The following DDAH1 variants were observed in gnomAD, a reference collection of about 807,000 sequenced individuals.
DDAH1 encodes the protein dimethylarginine dimethylaminohydrolase 1.
Under a neutral mutation model 28.8 loss-of-function variants are expected in DDAH1, and 19 were observed. The observed-to-expected ratio is 0.66, with a 90% CI of 0.46 to 0.97. The LOEUF is 0.97. Ranked by LOEUF, DDAH1 falls within the 50% of genes least tolerant of loss-of-function variation. The pLI, the probability that DDAH1 is intolerant of heterozygous loss-of-function variation, is 0.00. For missense variants in DDAH1, 326 were observed against 375.9 expected, an observed-to-expected ratio of 0.87 and a Z score of 1.10; for synonymous variants, 153 against 154.4, an observed-to-expected ratio of 0.99 and a Z score of 0.07.
intron 1 of DDAH1, among the ~76,000 whole-genome samples, chr1:85,408,398 T>A (rs1273969741): frequency 1.3e-5 from 2 of 152,200 alleles, no homozygotes; most frequent in South Asian, 2.1e-4. Context: ...GTACTCCTTT[T>A]CATATTGTTT....
At chr1:85,529,894 C>G (rs1475132640) in intron 1 of DDAH1, among the ~76,000 whole-genome samples, 5 of 146,256 alleles carry the variant, frequency 3.4e-5, no homozygotes, top group African/African-American at 1.3e-4. Flanking sequence ...TTACACCTTG[C>G]CCAGTGTGAA....
intron 4 of DDAH1, among the ~76,000 whole-genome samples, chr1:85,335,978 A>G (rs758990446): frequency 1.7e-4 from 10 of 59,708 alleles, no homozygotes; most frequent in Admixed American, 6.4e-4. Flanking sequence ...GAAATAAAAT[A>G]AAATAAAATA....
intron 1 of DDAH1, among the ~76,000 whole-genome samples, chr1:85,428,644 G>A (rs1653526708): frequency 6.6e-6 from 1 of 152,098 alleles, no homozygotes; most frequent in African/African-American, 2.4e-5. Context: ...AGAAGGCAGT[G>A]GAAATGGTCT....
At chr1:85,446,375 G>A (rs1557640926) in intron 1 of DDAH1, among the ~76,000 whole-genome samples, 1 of 152,022 alleles carries the variant, frequency 6.6e-6, no homozygotes, top group Non-Finnish European at 1.5e-5. Flanking sequence ...GAACAGCATG[G>A]GGAAAACCAC....
chr1:85,321,434 C>CG lies in DDAH1; in HGVS notation c.*17dup, dbSNP rs772391520. ...TTGCCTGTGCGGTCTTGCCGGCTAC[C>CG]GGGGGGGACTCTGCAGCTCAGGAGT... On this transcript the variant is annotated 3_prime_UTR_variant, in exon 6 of 6. Transcript: ENST00000284031. 2.0e-5 allele frequency: 31 copies of CG among 1,570,090 alleles called. No individual in the cohort carries two copies. Among genetic ancestry groups the CG allele is most frequent in the East Asian group, 4.5e-5 (2 of 44,688 alleles).
intron 1 of DDAH1, among the ~76,000 whole-genome samples, chr1:85,500,575 T>C (rs1396404788): frequency 6.6e-6 from 1 of 152,118 alleles, no homozygotes; most frequent in Non-Finnish European, 1.5e-5. Flanking sequence ...ATGGAGTTTA[T>C]TGAGATTCTT....
At chr1:85,467,903 TG>T (rs1185299466), upstream of DDAH1, among the ~76,000 whole-genome samples, 3 of 152,174 alleles carry the variant, frequency 2.0e-5, no homozygotes, top group Non-Finnish European at 4.4e-5. Flanking sequence ...GAATTGGAGC[TG>T]GGGTAAGTGC....
intron 2 of DDAH1, among the ~76,000 whole-genome samples, chr1:85,489,187 A>C (rs561332708): frequency 6.6e-6 from 1 of 152,226 alleles, no homozygotes; most frequent in African/African-American, 2.4e-5. Flanking sequence ...GAAAAGGGAA[A>C]GAACTAAGGA....
chr1:85,326,409 G>A (rs1647398376), intron 4 of DDAH1, among the ~76,000 whole-genome samples: 1 of 152,200 alleles, frequency 6.6e-6, no homozygotes. Context: ...AGGGCACCAT[G>A]CCAAACATTT....
chr1:85,427,426 G>T (rs1030382064), intron 1 of DDAH1, among the ~76,000 whole-genome samples: 3 of 152,180 alleles, frequency 2.0e-5, no homozygotes, highest in Admixed American at 2.0e-4. Flanking sequence ...TCAGAAGGAA[G>T]CAGCTAGTTA....
intron 4 of DDAH1, among the ~76,000 whole-genome samples, chr1:85,329,935 C>T (rs1647660756): frequency 6.6e-6 from 1 of 152,156 alleles, no homozygotes; most frequent in African/African-American, 2.4e-5. Flanking sequence ...TGCTTTTCCC[C>T]CTTGAAAATG....
chr1:85,423,208 T>C (rs2100618098), intron 1 of DDAH1, among the ~76,000 whole-genome samples: 1 of 152,298 alleles, frequency 6.6e-6, no homozygotes, highest in Admixed American at 6.5e-5. Flanking sequence ...GTAGTGTGAG[T>C]CTTCCACTCA....
intron 5 of DDAH1, among the ~76,000 whole-genome samples, chr1:85,323,456 T>C (rs1661435603): frequency 1.3e-5 from 2 of 152,028 alleles, no homozygotes; most frequent in African/African-American, 4.8e-5. Context: ...ACAAGGGAGA[T>C]TTTCTTAGAC....
intron 1 of DDAH1, among the ~76,000 whole-genome samples, chr1:85,440,474 A>G (rs1432125252): frequency 6.6e-6 from 1 of 152,202 alleles, no homozygotes; most frequent in Non-Finnish European, 1.5e-5. Flanking sequence ...TAGCCGGGAA[A>G]GACTGTTATA....
chr1:85,519,883 C>G (rs1197749929), intron 1 of DDAH1, among the ~76,000 whole-genome samples: 1 of 151,922 alleles, frequency 6.6e-6, no homozygotes, highest in Non-Finnish European at 1.5e-5. Context: ...TTGTGGTTGC[C>G]TCTAGGAATA....
intron 2 of DDAH1, among the ~76,000 whole-genome samples, chr1:85,356,989 A>C (rs1407539695): frequency 6.6e-6 from 1 of 152,238 alleles, no homozygotes; most frequent in African/African-American, 2.4e-5. Context: ...TATTCATTGC[A>C]TGGCTATGTT....
chr1:85,470,151 T>C (rs1655568002), upstream of DDAH1, among the ~76,000 whole-genome samples: 1 of 152,166 alleles, frequency 6.6e-6, no homozygotes, highest in African/African-American at 2.4e-5. Context: ...TATTAGTCTG[T>C]TTTCACACTG....
Position 85,464,734 on chromosome 1 carries a change from G to T in DDAH1, c.303+9C>A, listed in dbSNP as rs770073012. On this transcript the variant is annotated intron_variant, in intron 1 of 5. Coordinates refer to ENST00000284031, the MANE Select transcript of DDAH1 (RefSeq NM_012137.4). This position sits in a 1 kb window ranked among gnomAD's most constrained non-coding sequence, Gnocchi z 4.4. ...GCGCCCCGGCCGCGCCCCTCGAGTC[G>T]GCAGTTACCTCCTTCCTCCGGCTCG... The T allele has an allele frequency of 5.3e-6, 8 of 1,510,060 alleles. No individual in the cohort carries two copies. The highest frequency in any genetic ancestry group is 7.0e-6 in the Non-Finnish European group (8 of 1,136,920). 93.5% of individuals were successfully genotyped at this position (1,510,060 alleles called of 1,614,324 possible). A position where few individuals can be genotyped will look rare whatever the true frequency, so the allele number is the denominator to read the frequency against.
intron 1 of DDAH1, among the ~76,000 whole-genome samples, chr1:85,551,506 C>T (rs1188295649): frequency 6.6e-6 from 1 of 152,216 alleles, no homozygotes; most frequent in Non-Finnish European, 1.5e-5. Flanking sequence ...ATCAGAAACA[C>T]AGACCAATAT....
Sources: allele counts gnomAD v4.1 joint callset (sites outside exome capture counted in the v4.1 genomes callset), GRCh38; gene constraint gnomAD v4.1.1; non-coding constraint Gnocchi (gnomAD v3.1); transcripts MANE v1.5; gene names NCBI Gene and HGNC (gene_info 2026-07-23, HGNC 2026-07-21).